NIPA2: variants seen among roughly 807,000 people sequenced by gnomAD.
NIPA2 encodes NIPA magnesium transporter 2.
Under a neutral mutation model 29.7 loss-of-function variants are expected in NIPA2, and 11 were observed. The ratio of observed to expected loss-of-function variants is 0.37; its 90% CI spans 0.23 to 0.61. The LOEUF (loss-of-function observed/expected upper bound fraction) is 0.61. NIPA2 is among the 20% of genes least tolerant of loss of function. The pLI is 0.66. For missense variants in NIPA2, 426 were observed against 437.9 expected, an observed-to-expected ratio of 0.97 and a Z score of 0.24; for synonymous variants, 183 against 161.9, an observed-to-expected ratio of 1.13 and a Z score of -0.99.
rs912060343 is a variant in NIPA2, at chr15:22,866,314, A to G, written c.550A>G (p.Ile184Val). ...GQTNILVYIT[I>V]CSVIGAFSVS... is the part of the protein sequence containing the mutation. ...GACAAACATTCTTGTGTACATAACAATCTGCTCTGTAATCGGCGCGTTTTC... is the reference window on the plus strand; with the variant it reads ...GACAAACATTCTTGTGTACATAACAGTCTGCTCTGTAATCGGCGCGTTTTC... The change falls in exon 8 of 8, where the codon ATC (isoleucine) becomes GTC (valine). Residue 184 changes from isoleucine (I) to valine (V), a missense_variant. Ile to Val is a conservative substitution (Grantham distance 29, BLOSUM62 3). Transcript: ENST00000337451. 2 of 1,613,942 alleles carry G rather than the reference A, an allele frequency of 1.2e-6. No homozygotes were observed. Among genetic ancestry groups the G allele is most frequent in the Non-Finnish European group, 1.7e-6 (2 of 1,179,894 alleles).
rs771280025 is a variant in NIPA2, at chr15:22,866,319, C to G, written c.555C>G (p.Cys185Trp). 6.2e-7 allele frequency: 1 copy of G among 1,613,956 alleles called. No homozygotes were observed. The highest frequency in any genetic ancestry group is 8.5e-7 in the Non-Finnish European group (1 of 1,179,900). The change falls in exon 8 of 8, where the codon TGC becomes TGG. Residue 185 changes from cysteine to tryptophan, a missense_variant. Around this residue, in one of 3 missense-constraint regions of NIPA2, gnomAD observed 357 missense variants for 339.8 expected, o/e 1.05. Coordinates refer to ENST00000337451, the MANE Select transcript of NIPA2 (RefSeq NM_030922.7). ...QTNILVYITI[C>W]SVIGAFSVSC... ...ACATTCTTGTGTACATAACAATCTG[C>G]TCTGTAATCGGCGCGTTTTCAGTCT...
intron 3 of NIPA2, among the ~76,000 whole-genome samples, chr15:22,846,649 C>T (rs1898719368): frequency 6.6e-6 from 1 of 151,458 alleles, no homozygotes; most frequent in Non-Finnish European, 1.5e-5. Context: ...TCTGTATCGA[C>T]AAAAAATACC....
chr15:22,855,126 T>C (rs112812140), intron 5 of NIPA2, among the ~76,000 whole-genome samples: 2,534 of 152,004 alleles, frequency 0.017, 35 homozygotes, highest in Non-Finnish European at 0.025. Context: ...AAAAAAATTA[T>C]TCTGGGCCGG....
chr15:22,843,455 G>C (rs60658955), intron 2 of NIPA2, among the ~76,000 whole-genome samples: 7 of 149,870 alleles, frequency 4.7e-5, no homozygotes, highest in Non-Finnish European at 8.9e-5. Context: ...GCAGTGAGCC[G>C]AGATAGCGCC....
At position 22,867,513 on chromosome 15, in the gene NIPA2, C is replaced by CTGTT. The variant is rs2059189605; in HGVS notation, c.*667_*670dup. 3.7e-6 allele frequency: 1 copy of CTGTT among 268,820 alleles called. No homozygotes were observed. The highest frequency in any genetic ancestry group is 6.9e-6 in the Non-Finnish European group (1 of 145,356). 16.7% of individuals were successfully genotyped at this position (268,820 alleles called of 1,614,324 possible). On this transcript the variant is annotated 3_prime_UTR_variant, in exon 8 of 8. Coordinates refer to ENST00000337451, the MANE Select transcript of NIPA2 (RefSeq NM_030922.7). ...TCATCAAGCCAGCACATCCTGCCTG[C>CTGTT]TGTTGCAGCCTGGCTGGGTTTATTC...
intron 7 of NIPA2, among the ~76,000 whole-genome samples, chr15:22,861,435 C>T (rs2058615368): frequency 6.6e-6 from 1 of 152,098 alleles, no homozygotes; most frequent in Non-Finnish European, 1.5e-5. Flanking sequence ...TCCCTTATTT[C>T]CAGAATCCTG....
chr15:22,839,310 C>G (rs1160719203), intron 1 of NIPA2: 1 of 152,182 alleles, frequency 6.6e-6, no homozygotes, highest in Non-Finnish European at 1.5e-5. Flanking sequence ...CTATTTCCCT[C>G]TCTATACAAT....
chr15:22,842,282 CAG>C (rs1897290711), intron 2 of NIPA2, among the ~76,000 whole-genome samples: 1 of 152,130 alleles, frequency 6.6e-6, no homozygotes, highest in African/African-American at 2.4e-5. Flanking sequence ...GTAACCGTAA[CAG>C]AGGGGTAGTT....
chr15:22,840,070 G>A (rs1053420268), intron 2 of NIPA2, among the ~76,000 whole-genome samples: 2 of 151,976 alleles, frequency 1.3e-5, no homozygotes, highest in African/African-American at 4.8e-5. Context: ...ACAGACGTGC[G>A]GCACCATGCC....
chr15:22,866,370 T>TATC lies in NIPA2; in HGVS notation c.608_610dup (p.Ile203dup), dbSNP rs1345017161. 1.2e-6 allele frequency: 2 copies of TATC among 1,613,980 alleles called. No homozygotes were observed. On this transcript the variant is annotated inframe_insertion, in exon 8 of 8. Transcript: ENST00000337451. ...CCTGTGTGAAGGGCCTGGGCATTGC[T>TATC]ATCAAGGAGCTGTTTGCAGGGAAGC... is the stretch of plus-strand genomic sequence containing the variant.
rs1898249722 is a variant in NIPA2 at position 22,845,135 on chromosome 15, C to T, written c.-215-11C>T. ...GCTAATTCTTAAGAAGAAAAAATAT[C>T]TCTGTTGCAGGCTCTCCCGGCTGTG... is the stretch of plus-strand genomic sequence containing the variant. On this transcript the variant is annotated splice_polypyrimidine_tract_variant and intron_variant, in intron 2 of 7. Transcript: ENST00000337451. 2 of 152,186 alleles carry T rather than the reference C, an allele frequency of 1.3e-5. No homozygotes were observed. 9.4% of individuals were successfully genotyped at this position (152,186 alleles called of 1,614,324 possible). A position where few individuals can be genotyped will look rare whatever the true frequency, so the allele number is the denominator to read the frequency against.
At chr15:22,855,733 C>A (rs539130650) in intron 5 of NIPA2, among the ~76,000 whole-genome samples, 1 of 152,086 alleles carries the variant, frequency 6.6e-6, no homozygotes, top group Non-Finnish European at 1.5e-5. Context: ...CAGGGCCAGC[C>A]TCGCTGAAAG....
chr15:22,865,834 T>G (rs1050927340), intron 7 of NIPA2, among the ~76,000 whole-genome samples: 1 of 152,072 alleles, frequency 6.6e-6, no homozygotes, highest in African/African-American at 2.4e-5. Flanking sequence ...GTTTTTGTGT[T>G]TTTTGTTTTT....
Position 22,866,858 on chromosome 15 carries a change from ATTAAAGG to A in NIPA2, c.*16_*22del. The A allele has an allele frequency of 6.4e-7, 1 of 1,574,080 alleles. No homozygotes were observed. The highest frequency in any genetic ancestry group is 1.4e-5 in the African/African-American group (1 of 73,516). ...CTGACAGCTTTTTAAGAAAGGTGTA[ATTAAAGG>A]TTAATCTGTGATTGTTATGAAGTGA... is the stretch of plus-strand genomic sequence containing the variant. On this transcript the variant is annotated 3_prime_UTR_variant, in exon 8 of 8. Transcript: ENST00000337451.
intron 2 of NIPA2, among the ~76,000 whole-genome samples, chr15:22,840,725 C>G (rs1262411042): frequency 6.6e-6 from 1 of 152,194 alleles, no homozygotes; most frequent in East Asian, 1.9e-4. Context: ...AAAGTGATAC[C>G]TTCATCTTAT....
chr15:22,848,677 C>G (rs1392359929), intron 3 of NIPA2, among the ~76,000 whole-genome samples: 1 of 144,008 alleles, frequency 6.9e-6, no homozygotes, highest in Non-Finnish European at 1.5e-5. Context: ...AATACAAAAA[C>G]TAGCTGGGCA....
intron 2 of NIPA2, among the ~76,000 whole-genome samples, chr15:22,840,135 G>A (rs1250548605): frequency 6.6e-6 from 1 of 151,922 alleles, no homozygotes; most frequent in Non-Finnish European, 1.5e-5. Flanking sequence ...TACACCGGCT[G>A]GTCTCCTAAT....
intron 3 of NIPA2, among the ~76,000 whole-genome samples, chr15:22,845,635 C>T (rs1898414226): frequency 1.3e-5 from 2 of 152,152 alleles, no homozygotes; most frequent in South Asian, 4.2e-4. Context: ...CTTTGTAGCA[C>T]AGCTTAAGGT....
chr15:22,844,271 A>C (rs1032940599), intron 2 of NIPA2, among the ~76,000 whole-genome samples: 2 of 152,198 alleles, frequency 1.3e-5, no homozygotes, highest in African/African-American at 4.8e-5. Context: ...GTGAAAATTG[A>C]ACTTGTTGGC....
Sources: gnomAD v4.1 joint callset for allele counts (sites outside exome capture counted in the v4.1 genomes callset) on GRCh38, gnomAD v4.1.1 for gene constraint, gnomAD v4.1.1 regional missense constraint, MANE v1.5 for transcripts, NCBI Gene and HGNC (gene_info 2026-07-23, HGNC 2026-07-21) for gene names.